Variants in WNT3A observed in about 807,000 individuals in gnomAD.
WNT3A encodes protein Wnt-3a.
Under a neutral mutation model 37.0 loss-of-function variants are expected in WNT3A, and 17 were observed. The observed-to-expected ratio is 0.46, with a 90% CI of 0.31 to 0.69. The LOEUF is 0.69. WNT3A is among the 30% of genes least tolerant of loss of function. WNT3A has a pLI of 0.05. For synonymous variants in WNT3A, 187 were observed against 211.0 expected, an observed-to-expected ratio of 0.89 and a Z score of 0.99; for missense variants, 411 against 510.2, an observed-to-expected ratio of 0.81 and a Z score of 1.87.
At chr1:228,040,513 C>T (rs1383206108) in intron 2 of WNT3A, among the ~76,000 whole-genome samples, 3 of 152,112 alleles carry the variant, frequency 2.0e-5, no homozygotes, top group African/African-American at 7.2e-5. Context: ...TAAATAGTGG[C>T]AACTGAGCAA....
intron 2 of WNT3A, among the ~76,000 whole-genome samples, chr1:228,026,602 T>C (rs1294680194): frequency 6.6e-6 from 1 of 152,216 alleles, no homozygotes; most frequent in Non-Finnish European, 1.5e-5. Flanking sequence ...GTTTTATCCC[T>C]GGCTTCCCTC....
chr1:228,018,229 G>A (rs1193900284), intron 1 of WNT3A, among the ~76,000 whole-genome samples: 1 of 152,140 alleles, frequency 6.6e-6, no homozygotes, highest in Non-Finnish European at 1.5e-5. Context: ...CCCTGAGACA[G>A]GCCTGTCTGT....
chr1:228,012,962 C>T (rs959928460), intron 1 of WNT3A, among the ~76,000 whole-genome samples: 21 of 152,160 alleles, frequency 1.4e-4, no homozygotes, highest in African/African-American at 4.3e-4. Context: ...ACTGCAGCCT[C>T]GACCCTCATG....
chr1:228,023,806 A>C (rs1287175116), intron 2 of WNT3A, among the ~76,000 whole-genome samples: 1 of 152,228 alleles, frequency 6.6e-6, no homozygotes, highest in Non-Finnish European at 1.5e-5. Context: ...ATCTGTGCGC[A>C]TTAAGCAGCC....
In WNT3A at chr1:228,031,186, T is replaced by C. The variant is rs1445281863; in HGVS notation, c.313+8278T>C. 6.6e-6 allele frequency among the ~76,000 whole-genome samples: 1 copy of C among 152,178 alleles called. No individual in the cohort carries two copies. Among genetic ancestry groups the C allele is most frequent in the African/African-American group, 2.4e-5 (1 of 41,440 alleles). On this transcript the variant is annotated intron_variant, in intron 2 of 3. Transcript: ENST00000284523. The surrounding 1 kb of genome is among the most constrained non-coding windows in gnomAD (Gnocchi z 4.8). ...AGGGTCAGGCTCAGAGTCCGGGCAC[T>C]GGTCACTGTGGGTCTGGGATGAGGA...
At chr1:228,040,364 G>A (rs1376941118) in intron 2 of WNT3A, among the ~76,000 whole-genome samples, 4 of 152,166 alleles carry the variant, frequency 2.6e-5, no homozygotes, top group Admixed American at 2.0e-4. Flanking sequence ...TCCATGCTAT[G>A]CTGCCTCAGC....
intron 2 of WNT3A, among the ~76,000 whole-genome samples, chr1:228,049,625 C>T (rs553034890): frequency 1.0e-3 from 154 of 152,208 alleles, no homozygotes; most frequent in African/African-American, 3.5e-3. Flanking sequence ...GAACAAGGGT[C>T]AGGGTCTGAT....
chr1:228,057,126 T>A (rs981259257), intron 3 of WNT3A, among the ~76,000 whole-genome samples: 9 of 152,212 alleles, frequency 5.9e-5, no homozygotes, highest in African/African-American at 2.2e-4. Context: ...GGTACATGGA[T>A]AACACCAACT....
intron 1 of WNT3A, among the ~76,000 whole-genome samples, chr1:228,017,530 TAGAC>T (rs2030569412): frequency 6.6e-6 from 1 of 151,964 alleles, no homozygotes; most frequent in Admixed American, 6.6e-5. Flanking sequence ...CTGGGCAACA[TAGAC>T]AGACACCATC....
In WNT3A at chr1:228,007,074, C is replaced by G. The variant is rs76933265; in HGVS notation, c.-55C>G. On this transcript the variant is annotated 5_prime_UTR_variant, in exon 1 of 4. Coordinates refer to ENST00000284523, the MANE Select transcript of WNT3A (RefSeq NM_033131.4). This position sits in a 1 kb window ranked among gnomAD's most constrained non-coding sequence, Gnocchi z 6.0. ...CCAGCTCCCAGGGCCCGGCCCCCCC[C>G]GGCGCTCACGCTCTCGGGGCGGACT... 0.095 allele frequency: 133,280 copies of G among 1,402,836 alleles called. 6,888 individuals carry two copies. The highest frequency in any genetic ancestry group is 0.13 in the East Asian group (3,913 of 31,038). 86.9% of individuals were successfully genotyped at this position (1,402,836 alleles called of 1,614,324 possible).
At chr1:228,044,394 C>T (rs2031355607) in intron 2 of WNT3A, among the ~76,000 whole-genome samples, 1 of 152,120 alleles carries the variant, frequency 6.6e-6, no homozygotes, top group African/African-American at 2.4e-5. Context: ...TTTTCTGTCC[C>T]AGAACCCCCT....
Position 228,059,365 on chromosome 1 carries a change from C to A in WNT3A, c.959C>A (p.Ala320Glu). The A allele has an allele frequency of 6.4e-7, 1 of 1,562,844 alleles. No homozygotes were observed. Among genetic ancestry groups the A allele is most frequent in the Non-Finnish European group, 8.6e-7 (1 of 1,158,456 alleles). Residue 320 changes from alanine to glutamate, a missense_variant, in exon 4 of 4, where the codon GCG (alanine) becomes GAG (glutamate). Coordinates refer to ENST00000284523, the MANE Select transcript of WNT3A (RefSeq NM_033131.4). ...LCCGRGHNAR[A>E]ERRREKCRCV... ...TGCGGCCGCGGCCACAACGCGCGAG[C>A]GGAGCGGCGCCGGGAGAAGTGCCGC...
chr1:228,017,046 T>C (rs1201098942), intron 1 of WNT3A, among the ~76,000 whole-genome samples: 1 of 152,146 alleles, frequency 6.6e-6, no homozygotes, highest in Non-Finnish European at 1.5e-5. Flanking sequence ...TTGAAGGGCA[T>C]TGTAGGATCT....
rs1055997211 is a variant in WNT3A at position 228,008,571 on chromosome 1, G to T, written c.71+1372G>T. Among the ~76,000 whole-genome samples the T allele has an allele frequency of 2.6e-5, 4 of 152,124 alleles. No individual in the cohort carries two copies. The highest frequency in any genetic ancestry group is 9.7e-5 in the African/African-American group (4 of 41,434). Reference sequence around the variant, plus strand: ...CCATTTCCCGTGCGGCACCTGCTGCGCCCAGTGGCCCACCTGAGGGTCAGG... The same window carrying T: ...CCATTTCCCGTGCGGCACCTGCTGCTCCCAGTGGCCCACCTGAGGGTCAGG... On this transcript the variant is annotated intron_variant, in intron 1 of 3. Coordinates refer to ENST00000284523, the MANE Select transcript of WNT3A (RefSeq NM_033131.4). The surrounding 1 kb of genome is among the most constrained non-coding windows in gnomAD (Gnocchi z 4.9).
At chr1:228,036,417 GA>G (rs1173896636) in intron 2 of WNT3A, among the ~76,000 whole-genome samples, 1 of 152,094 alleles carries the variant, frequency 6.6e-6, no homozygotes, top group African/African-American at 2.4e-5. Context: ...ACATATGAAG[GA>G]AGAAGCTTCA....
rs150043075 is a variant in WNT3A, at chr1:228,046,029, C to A, written c.314-4627C>A. ...GAGGGGCAGCCAGGTGTAGAGGACA[C>A]CCGATCCCTGGCCGCTCCCCTCAGA... is the stretch of plus-strand genomic sequence containing the variant. On this transcript the variant is annotated intron_variant, in intron 2 of 3. Transcript: ENST00000284523. Among the ~76,000 whole-genome samples the A allele has an allele frequency of 3.9e-5, 6 of 152,322 alleles. No homozygotes were observed. The South Asian group carries it at 8.3e-4, about 21-fold the overall frequency.
chr1:228,052,389 C>T (rs2031574231), intron 3 of WNT3A, among the ~76,000 whole-genome samples: 1 of 152,154 alleles, frequency 6.6e-6, no homozygotes, highest in Admixed American at 6.5e-5. Flanking sequence ...AGTGATCCAC[C>T]CACCTCGGCC....
intron 1 of WNT3A, among the ~76,000 whole-genome samples, chr1:228,012,582 T>C (rs1370364176): frequency 6.6e-6 from 1 of 152,194 alleles, no homozygotes; most frequent in African/African-American, 2.4e-5. Flanking sequence ...CATTGGATTT[T>C]TGACCCAAAC....
In WNT3A at chr1:228,022,779, A is replaced by G. The variant is rs1399260520; in HGVS notation, c.184A>G (p.Ile62Val). 2 of 1,614,170 alleles carry G rather than the reference A, an allele frequency of 1.2e-6. No individual in the cohort carries two copies. The highest frequency in any genetic ancestry group is 1.7e-6 in the Non-Finnish European group (2 of 1,180,028). ...CCGCTTCTGCAGGAACTACGTGGAG[A>G]TCATGCCCAGCGTGGCCGAGGGCAT... ...QLRFCRNYVE[I>V]MPSVAEGIKI... The change falls in exon 2 of 4, where the codon ATC becomes GTC. Residue 62 changes from isoleucine to valine, a missense_variant. Transcript: ENST00000284523.
Sources: gnomAD v4.1 joint callset for allele counts (sites outside exome capture counted in the v4.1 genomes callset) on GRCh38, gnomAD v4.1.1 for gene constraint, Gnocchi (gnomAD v3.1) non-coding constraint, MANE v1.5 for transcripts, NCBI Gene and HGNC (gene_info 2026-07-23, HGNC 2026-07-21) for gene names.